NBAS: variants seen among roughly 807,000 people sequenced by gnomAD.
NBAS encodes NAG/BC035112 fusion.
NBAS carries 219 observed loss-of-function variants against 302.5 expected under a neutral mutation model. That is an observed-to-expected ratio of 0.72 (90% confidence interval 0.65 to 0.81). The LOEUF (loss-of-function observed/expected upper bound fraction) is 0.81, where lower values mean the gene tolerates loss of function less well. Among genes scored for constraint, NBAS ranks in the 30% least tolerant of loss-of-function variants. The pLI is 0.00. For missense variants in NBAS, 2,932 were observed against 2,841.6 expected (o/e 1.03, Z -0.72); for synonymous variants, 1,118 against 1,021.6 (o/e 1.09, Z -1.80).
chr2:14,803,182 C>T, the NBAS span, among the ~76,000 whole-genome samples: 1 of 152,188 alleles, frequency 6.6e-6, no homozygotes, highest in African/African-American at 2.4e-5. Context: ...TTACCTAATG[C>T]TCCATGAAAT....
the NBAS span, among the ~76,000 whole-genome samples, chr2:15,081,089 T>C: frequency 6.6e-6 from 1 of 152,206 alleles, no homozygotes; most frequent in Admixed American, 6.5e-5. Context: ...CTCACACATA[T>C]GCCCAAGATC....
At chr2:15,303,145 C>T (rs1454826545) in intron 40 of NBAS, among the ~76,000 whole-genome samples, 1 of 152,182 alleles carries the variant, frequency 6.6e-6, no homozygotes, top group Non-Finnish European at 1.5e-5. Flanking sequence ...GCTTAATAAA[C>T]TCTCCTTCAT....
chr2:14,844,963 G>C, the NBAS span, among the ~76,000 whole-genome samples: 12 of 152,178 alleles, frequency 7.9e-5, no homozygotes, highest in Admixed American at 1.3e-4. Flanking sequence ...AAACCAAATG[G>C]GGTCCAGCAG....
chr2:15,243,531 C>T (rs563926098), intron 44 of NBAS, among the ~76,000 whole-genome samples: 40 of 149,410 alleles, frequency 2.7e-4, no homozygotes, highest in African/African-American at 9.6e-4. Context: ...CAACAGGTAC[C>T]AAGAGGGAGG....
intron 6 of NBAS, among the ~76,000 whole-genome samples, chr2:15,545,531 T>G (rs900665449): frequency 6.6e-6 from 1 of 152,116 alleles, no homozygotes. Context: ...ATTATAAACA[T>G]TAAGCCAATA....
the NBAS span, among the ~76,000 whole-genome samples, chr2:14,799,219 A>G: frequency 6.6e-6 from 1 of 152,018 alleles, no homozygotes; most frequent in Non-Finnish European, 1.5e-5. Flanking sequence ...TTCACTTACT[A>G]GTTAACTTTG....
At chr2:15,534,827 T>C (rs1663407367) in intron 8 of NBAS, among the ~76,000 whole-genome samples, 186 bp from the exon 9 acceptor site, 1 of 152,198 alleles carries the variant, frequency 6.6e-6, no homozygotes, top group Non-Finnish European at 1.5e-5. Context: ...GTAAAAAGTG[T>C]AGTTTTTTAT....
chr2:15,265,242 T>A (rs1183454132), intron 44 of NBAS, among the ~76,000 whole-genome samples: 2 of 152,134 alleles, frequency 1.3e-5, no homozygotes, highest in Non-Finnish European at 2.9e-5. Context: ...TGTCATGCAA[T>A]CTCATGCGAT....
chr2:15,160,428 G>A, the NBAS span, among the ~76,000 whole-genome samples: 2 of 152,216 alleles, frequency 1.3e-5, no homozygotes, highest in Non-Finnish European at 2.9e-5. Context: ...AGGCTTAAGG[G>A]ACACCCCGGG....
At chr2:14,937,729 G>C in the NBAS span, among the ~76,000 whole-genome samples, 27,567 of 152,054 alleles carry the variant, frequency 0.18, 2,873 homozygotes, top group African/African-American at 0.29. Context: ...AAGAAAGGGG[G>C]CTCCGAGGCT....
At chr2:15,509,554 A>G (rs1195365931) in intron 10 of NBAS, among the ~76,000 whole-genome samples, 1 of 152,256 alleles carries the variant, frequency 6.6e-6, no homozygotes, top group African/African-American at 2.4e-5. Context: ...ACACTGCAGT[A>G]TATATTAAAT....
chr2:15,309,390 A>G, intron 38 of NBAS, 143 bp from the exon 39 acceptor site: 1 of 646,156 alleles, frequency 1.5e-6, no homozygotes, highest in East Asian at 3.1e-5. Flanking sequence ...AGCACCATCT[A>G]AAAACAGATC....
At chr2:15,172,106 C>T (rs558315984) in intron 51 of NBAS, among the ~76,000 whole-genome samples, 44 of 152,324 alleles carry the variant, frequency 2.9e-4, no homozygotes, top group African/African-American at 9.6e-4. Context: ...CAGCTTACAG[C>T]GGTGACATCA....
At chr2:14,860,641 G>A in the NBAS span, among the ~76,000 whole-genome samples, 1 of 152,168 alleles carries the variant, frequency 6.6e-6, no homozygotes, top group African/African-American at 2.4e-5. Flanking sequence ...TGAATCTCAT[G>A]AAGATAGAGA....
At chr2:15,548,598 G>A (rs758803147) in intron 6 of NBAS, among the ~76,000 whole-genome samples, 1 of 152,152 alleles carries the variant, frequency 6.6e-6, no homozygotes, top group Middle Eastern at 3.4e-3. Context: ...AGCTGAGATC[G>A]CACCACTGCA....
At chr2:14,897,017 G>A in the NBAS span, among the ~76,000 whole-genome samples, 1 of 151,972 alleles carries the variant, frequency 6.6e-6, no homozygotes, top group African/African-American at 2.4e-5. Flanking sequence ...GCTGTCAGGG[G>A]AGGGGAGCAG....
chr2:14,788,794 T>G, the NBAS span, among the ~76,000 whole-genome samples: 2 of 152,218 alleles, frequency 1.3e-5, no homozygotes, highest in African/African-American at 4.8e-5. Flanking sequence ...GGGACCCACT[T>G]GAGGAGGCAG....
intron 1 of NBAS, among the ~76,000 whole-genome samples, chr2:15,559,087 A>AAAAAAAG (rs1664789254): frequency 6.9e-6 from 1 of 144,890 alleles, no homozygotes; most frequent in Non-Finnish European, 1.5e-5. Context: ...AAAAAAAAAA[A>AAAAAAAG]GTAGACACAG....
chr2:15,377,859 T>A (rs189556724), intron 30 of NBAS, among the ~76,000 whole-genome samples: 3 of 152,308 alleles, frequency 2.0e-5, no homozygotes, highest in African/African-American at 7.2e-5. Context: ...TATATACAGG[T>A]ATAACATGCA....
Sources: allele counts gnomAD v4.1 joint callset (sites outside exome capture counted in the v4.1 genomes callset), GRCh38; gene constraint gnomAD v4.1.1; transcripts MANE v1.5; gene names NCBI Gene and HGNC (gene_info 2026-07-23, HGNC 2026-07-21).